Variants in TENM3 observed in about 807,000 individuals in gnomAD.
TENM3 encodes teneurin-3.
In TENM3, 63 loss-of-function variants were observed where a neutral mutation model predicts 255.1. The observed-to-expected ratio is 0.25, with a 90% CI of 0.20 to 0.30. The LOEUF (loss-of-function observed/expected upper bound fraction) is 0.30, where lower values mean the gene tolerates loss of function less well. TENM3 is among the 10% of genes least tolerant of loss of function. The probability of loss-of-function intolerance (pLI) is 1.00; values close to 1 mark genes in which losing one functional copy is unlikely to be tolerated. For missense variants in TENM3, 2,929 were observed against 3,461.1 expected, an observed-to-expected ratio of 0.85 and a Z score of 3.86; for synonymous variants, 1,306 against 1,322.3, an observed-to-expected ratio of 0.99 and a Z score of 0.27.
chr4:181,687,415 T>G, the TENM3 span, among the ~76,000 whole-genome samples: 5 of 152,350 alleles, frequency 3.3e-5, no homozygotes, highest in Non-Finnish European at 5.9e-5. Context: ...GTAGTTGTTT[T>G]CTTTTGTTCT....
chr4:181,881,709 A>C, the TENM3 span, among the ~76,000 whole-genome samples: 2 of 152,156 alleles, frequency 1.3e-5, no homozygotes, highest in Admixed American at 1.3e-4. Flanking sequence ...AGACTTACAG[A>C]ACTATGACAG....
the TENM3 span, among the ~76,000 whole-genome samples, chr4:181,595,796 T>C: frequency 6.6e-6 from 1 of 152,062 alleles, no homozygotes; most frequent in East Asian, 1.9e-4. Flanking sequence ...TCTTAGAGGA[T>C]TTTTCCTTGC....
chr4:182,223,258 G>T (rs1318440660), intron 1 of TENM3, among the ~76,000 whole-genome samples: 1 of 152,128 alleles, frequency 6.6e-6, no homozygotes, highest in African/African-American at 2.4e-5. Context: ...CTCATCTGCT[G>T]CAGTGAATCA....
At chr4:181,657,820 CTA>C in the TENM3 span, among the ~76,000 whole-genome samples, 1 of 151,788 alleles carries the variant, frequency 6.6e-6, no homozygotes, top group African/African-American at 2.4e-5. Flanking sequence ...AAAAACAAAT[CTA>C]TGTCTTTTGC....
At chr4:182,651,549 T>C (rs1753291118) in intron 5 of TENM3, among the ~76,000 whole-genome samples, 1 of 151,896 alleles carries the variant, frequency 6.6e-6, no homozygotes, top group African/African-American at 2.4e-5. Flanking sequence ...TACAAAAAAT[T>C]AGCTGGGCGT....
At chr4:182,677,383 C>G (rs1270127935) in intron 7 of TENM3, among the ~76,000 whole-genome samples, 2 of 152,172 alleles carry the variant, frequency 1.3e-5, no homozygotes, top group Non-Finnish European at 2.9e-5. Flanking sequence ...AGCTAAAACT[C>G]AAAATTCCTC....
At chr4:182,114,962 A>G in the TENM3 span, among the ~76,000 whole-genome samples, 1 of 152,074 alleles carries the variant, frequency 6.6e-6, no homozygotes, top group African/African-American at 2.4e-5. Flanking sequence ...CAGGCAGATC[A>G]CTTGAGGTCA....
At chr4:182,010,056 T>C in the TENM3 span, among the ~76,000 whole-genome samples, 2 of 146,142 alleles carry the variant, frequency 1.4e-5, no homozygotes, top group African/African-American at 4.9e-5. Context: ...TGAACCTGGA[T>C]ACTTTGGTTG....
At chr4:181,947,175 A>C in the TENM3 span, among the ~76,000 whole-genome samples, 1 of 152,248 alleles carries the variant, frequency 6.6e-6, no homozygotes, top group Non-Finnish European at 1.5e-5. Flanking sequence ...CATTGTGGGA[A>C]TCACACGAGA....
At chr4:182,461,627 G>A (rs1732001935) in intron 3 of TENM3, among the ~76,000 whole-genome samples, 1 of 152,164 alleles carries the variant, frequency 6.6e-6, no homozygotes, top group Non-Finnish European at 1.5e-5. Flanking sequence ...ATTAATAGAA[G>A]TAGAGAAACC....
At chr4:182,137,349 G>C in the TENM3 span, among the ~76,000 whole-genome samples, 3 of 149,674 alleles carry the variant, frequency 2.0e-5, no homozygotes, top group Non-Finnish European at 3.0e-5. Context: ...CCCCCAAAAA[G>C]GAATGAATTA....
intron 3 of TENM3, among the ~76,000 whole-genome samples, chr4:182,467,640 G>A (rs141058690): frequency 4.6e-5 from 7 of 152,300 alleles, no homozygotes; most frequent in Non-Finnish European, 1.0e-4. Flanking sequence ...TTTCAGAGAA[G>A]TGGACTTAAG....
chr4:182,628,728 G>T lies in TENM3; in HGVS notation c.827G>T (p.Gly276Val). The T allele has an allele frequency of 2.5e-6, 4 of 1,609,154 alleles. No homozygotes were observed. The highest frequency in any genetic ancestry group is 3.4e-6 in the Non-Finnish European group (4 of 1,177,728). The change falls in exon 5 of 28, where the codon GGC becomes GTC. Residue 276 changes from glycine to valine, a missense_variant. By Grantham distance (109) the Gly-to-Val change is moderately radical. This residue lies in a region of TENM3 where 1,608 missense variants were observed against 1,884.4 expected (regional missense o/e 0.85). Coordinates refer to ENST00000511685, the MANE Select transcript of TENM3 (RefSeq NM_001080477.4). ...ACCCCAGGATACACAATGGCATCTG[G>T]CTCTGTTTATTCACCACCTACTCGG... ...TATPGYTMAS[G>V]SVYSPPTRPL...
At chr4:181,971,821 G>A in the TENM3 span, among the ~76,000 whole-genome samples, 2 of 151,838 alleles carry the variant, frequency 1.3e-5, no homozygotes, top group African/African-American at 2.4e-5. Context: ...CTCCTGCCTC[G>A]GCATCCCAAA....
intron 4 of TENM3, among the ~76,000 whole-genome samples, chr4:182,606,010 G>A (rs1437455947): frequency 6.6e-6 from 1 of 152,116 alleles, no homozygotes; most frequent in Non-Finnish European, 1.5e-5. Context: ...GAAATCAAAC[G>A]AGAAAGGCAG....
the TENM3 span, among the ~76,000 whole-genome samples, chr4:181,824,204 T>G: frequency 1.3e-5 from 2 of 151,866 alleles, no homozygotes; most frequent in Non-Finnish European, 2.9e-5. Flanking sequence ...TGGGTTCAAA[T>G]GGTCCTCCCA....
chr4:181,763,306 A>C, the TENM3 span, among the ~76,000 whole-genome samples: 1 of 152,160 alleles, frequency 6.6e-6, no homozygotes, highest in Admixed American at 6.6e-5. Context: ...CTTAGTCATC[A>C]TCATCATGTT....
chr4:182,469,921 G>C (rs982576883), intron 3 of TENM3, among the ~76,000 whole-genome samples: 1 of 152,034 alleles, frequency 6.6e-6, no homozygotes, highest in African/African-American at 2.4e-5. Context: ...TGTTGTCTCA[G>C]ATATCCCAGG....
intron 1 of TENM3, among the ~76,000 whole-genome samples, chr4:182,195,114 C>T (rs1370926260): frequency 6.6e-6 from 1 of 151,120 alleles, no homozygotes; most frequent in African/African-American, 2.5e-5. Flanking sequence ...TTCAAGCAAG[C>T]CATGTAGGAG....
Sources: gnomAD v4.1 joint callset for allele counts (sites outside exome capture counted in the v4.1 genomes callset) on GRCh38, gnomAD v4.1.1 for gene constraint, gnomAD v4.1.1 regional missense constraint, MANE v1.5 for transcripts, NCBI Gene and HGNC (gene_info 2026-07-23, HGNC 2026-07-21) for gene names.